RASSF4: variants seen among roughly 807,000 people sequenced by gnomAD.
The protein encoded by RASSF4 is ras association domain-containing protein 4.
RASSF4 carries 38 observed loss-of-function variants against 41.1 expected under a neutral mutation model. The observed-to-expected ratio is 0.92, with a 90% CI of 0.71 to 1.21. The LOEUF (loss-of-function observed/expected upper bound fraction) is 1.21. Ranked by LOEUF, RASSF4 falls within the 50% of genes most tolerant of loss-of-function variation. The pLI is 0.00. For synonymous variants in RASSF4, 179 were observed against 163.4 expected (o/e 1.10, Z -0.73); for missense variants, 414 against 419.4 (o/e 0.99, Z 0.11).
chr10:44,989,556 G>C lies in RASSF4; in HGVS notation c.634-114G>C, dbSNP rs1842035350. Reference sequence around the variant, plus strand: ...GCAAGAGGAGGTTGGGAGAGGACAGGTTCCTTGCAACTTGCGTGTGTGTTA... The same window carrying C: ...GCAAGAGGAGGTTGGGAGAGGACAGCTTCCTTGCAACTTGCGTGTGTGTTA... On this transcript the variant is annotated intron_variant, in intron 7 of 10. Coordinates refer to ENST00000340258, the MANE Select transcript of RASSF4 (RefSeq NM_032023.4). The C allele has an allele frequency of 1.1e-5, 12 of 1,062,320 alleles. No homozygotes were observed. The South Asian group carries it at 1.5e-4, about 13-fold the overall frequency. 65.8% of individuals were successfully genotyped at this position (1,062,320 alleles called of 1,614,324 possible). A position where few individuals can be genotyped will look rare whatever the true frequency, so the allele number is the denominator to read the frequency against.
rs1431410633 is a variant in RASSF4, at chr10:44,994,970, G to A, written c.*1641G>A. The A allele has an allele frequency of 1.3e-5, 2 of 152,188 alleles. No individual in the cohort carries two copies. The highest frequency in any genetic ancestry group is 4.8e-5 in the African/African-American group (2 of 41,422). 9.4% of individuals were successfully genotyped at this position (152,188 alleles called of 1,614,324 possible). ...GGAGCCTAGAGGTGACCTGGATGAT[G>A]AGCAATAGAGTCACCCCGAGTCACA... On this transcript the variant is annotated 3_prime_UTR_variant, in exon 11 of 11. Coordinates refer to ENST00000340258, the MANE Select transcript of RASSF4 (RefSeq NM_032023.4).
intron 3 of RASSF4, among the ~76,000 whole-genome samples, chr10:44,972,069 A>C (rs1841195249): frequency 6.6e-6 from 1 of 152,104 alleles, no homozygotes. Flanking sequence ...GGGTCAGTGC[A>C]TCCCTTCCAG....
chr10:44,969,246 C>G (rs537859697), intron 1 of RASSF4, among the ~76,000 whole-genome samples: 10 of 152,144 alleles, frequency 6.6e-5, no homozygotes, highest in Admixed American at 5.9e-4. Context: ...CAGATGCCAA[C>G]AGGTTCGAGA....
intron 1 of RASSF4, among the ~76,000 whole-genome samples, chr10:44,964,310 TG>T (rs1840819138): frequency 6.6e-6 from 1 of 152,242 alleles, no homozygotes; most frequent in Admixed American, 6.5e-5. Flanking sequence ...TCACTCTGGT[TG>T]GGGACAGAGT....
At chr10:44,970,130 C>T in intron 1 of RASSF4, 35 bp from the exon 2 acceptor site, 4 of 1,345,126 alleles carry the variant, frequency 3.0e-6, no homozygotes, top group African/African-American at 1.4e-5. Flanking sequence ...ACTCCTCTGG[C>T]TCACCTGTCT....
At position 44,995,817 on chromosome 10, in the gene RASSF4, G is replaced by A. The variant is rs557423895; in HGVS notation, c.*2488G>A. On this transcript the variant is annotated 3_prime_UTR_variant, in exon 11 of 11. Coordinates refer to ENST00000340258, the MANE Select transcript of RASSF4 (RefSeq NM_032023.4). The stretch of plus-strand genomic sequence containing the variant: ...AGCTCCCGCTTTCTTTCTACATAGA[G>A]CTTAGGGTATTTCTCATATGCCCCA... 4 of 152,166 alleles carry A rather than the reference G, an allele frequency of 2.6e-5. No individual in the cohort carries two copies. Among genetic ancestry groups the A allele is most frequent in the Admixed American group, 6.5e-5 (1 of 15,278 alleles). The allele number at this position is 152,166 out of a possible 1,614,324, so 9.4% of individuals were successfully genotyped here.
At chr10:44,980,492 G>A (rs1271489235) in intron 3 of RASSF4, among the ~76,000 whole-genome samples, 1 of 152,184 alleles carries the variant, frequency 6.6e-6, no homozygotes, top group Non-Finnish European at 1.5e-5. Flanking sequence ...CATCACCTGT[G>A]TAGGCATGTC....
intron 3 of RASSF4, chr10:44,978,308 C>T (rs1212642265): frequency 4.9e-6 from 2 of 404,546 alleles, no homozygotes; most frequent in Admixed American, 9.2e-5. Context: ...CTAACAAACA[C>T]TGGTCAGAGG....
rs752893031 is a variant in RASSF4 at position 44,982,540 on chromosome 10, T to C, written c.158T>C (p.Ile53Thr). ...CCACAGGAAGAAGGGACTCTGATCA[T>C]CGAGGGGCTCCTCAACATTGCCTGG... ...RHREEEGTLI[I>T]EGLLNIAWGL... The change falls in exon 4 of 11, where the codon ATC (isoleucine) becomes ACC (threonine). Residue 53 changes from isoleucine (I) to threonine (T), a missense_variant. Ile to Thr is a moderately conservative substitution (Grantham distance 89, BLOSUM62 -1). Coordinates refer to ENST00000340258, the MANE Select transcript of RASSF4 (RefSeq NM_032023.4). The C allele has an allele frequency of 8.7e-6, 14 of 1,611,962 alleles. No individual in the cohort carries two copies. The East Asian group carries it at 3.1e-4, about 36-fold the overall frequency.
intron 8 of RASSF4, chr10:44,990,624 C>T (rs1219364222): frequency 5.4e-6 from 1 of 186,812 alleles, no homozygotes; most frequent in African/African-American, 2.3e-5. Context: ...CCATCATTGC[C>T]TAGAGAGGGA....
chr10:44,989,408 A>T, intron 7 of RASSF4, 33 bp downstream of exon 7: 1 of 1,455,224 alleles, frequency 6.9e-7, no homozygotes, highest in Non-Finnish European at 9.6e-7. Context: ...TTGCCCCAGG[A>T]TGCCAGTGGT....
intron 4 of RASSF4, chr10:44,983,050 G>A (rs577966219): frequency 2.0e-5 from 9 of 453,108 alleles, no homozygotes; most frequent in South Asian, 1.6e-4. Flanking sequence ...TCATTTTAAT[G>A]TCAAAATTTT....
chr10:44,984,037 C>T lies in RASSF4; in HGVS notation c.297C>T (p.Pro99=). The T allele has an allele frequency of 6.2e-7, 1 of 1,602,288 alleles. No individual in the cohort carries two copies. The change falls in exon 5 of 11, where the codon CCC becomes CCT. Residue 99 remains proline (P), a synonymous_variant. Coordinates refer to ENST00000340258, the MANE Select transcript of RASSF4 (RefSeq NM_032023.4). ...RPSCPLKEPS[P]QNGNITAQGP... The stretch of plus-strand genomic sequence containing the variant: ...CTGTTTTCAGAAAGGAGCCATCGCC[C>T]CAGAACGGGAACATCACAGCCCAGG...
Position 44,993,445 on chromosome 10 carries a change from CCTGTGTGT to C in RASSF4, c.*119_*126del. On this transcript the variant is annotated 3_prime_UTR_variant, in exon 11 of 11. Coordinates refer to ENST00000340258, the MANE Select transcript of RASSF4 (RefSeq NM_032023.4). ...TGGCCACCGCCTGACGAATCGAGTG[CCTGTGTGT>C]CTACCTCTCTGAAGCCTGAGCACCA... The C allele has an allele frequency of 2.7e-6, 2 of 745,832 alleles. No individual in the cohort carries two copies. The highest frequency in any genetic ancestry group is 2.3e-6 in the Non-Finnish European group (1 of 442,286). 46.2% of individuals were successfully genotyped at this position (745,832 alleles called of 1,614,324 possible).
At position 44,978,390 on chromosome 10, in the gene RASSF4, C is replaced by T. The variant is rs79205764; in HGVS notation, c.139-4131C>T. On this transcript the variant is annotated intron_variant, in intron 3 of 10. Transcript: ENST00000340258. ...CTTTGGCAAGGCCACCTCTCCAGGC[C>T]TCCACTTACCCATCCATAAAACAGG... is the stretch of plus-strand genomic sequence containing the variant. Among the ~76,000 whole-genome samples, 1,031 of 152,308 alleles carry T rather than the reference C, an allele frequency of 6.8e-3. 9 individuals carry two copies. The highest frequency in any genetic ancestry group is 0.022 in the African/African-American group (927 of 41,554).
chr10:44,974,687 G>A (rs1006086081), intron 3 of RASSF4, among the ~76,000 whole-genome samples: 1 of 152,130 alleles, frequency 6.6e-6, no homozygotes. Flanking sequence ...GGTTTGGGGT[G>A]CCTTCTCCTC....
At chr10:44,963,560 C>G (rs935512455) in intron 1 of RASSF4, among the ~76,000 whole-genome samples, 1 of 152,184 alleles carries the variant, frequency 6.6e-6, no homozygotes, top group Non-Finnish European at 1.5e-5. Context: ...CCAGGAATGC[C>G]GTCAGCGTGG....
At position 44,993,618 on chromosome 10, in the gene RASSF4, T is replaced by C. The variant is rs1241144838; in HGVS notation, c.*289T>C. The C allele has an allele frequency of 1.6e-5, 7 of 425,302 alleles. No homozygotes were observed. In the Admixed American group the frequency reaches 2.4e-4, roughly 15 times the overall value. The allele number at this position is 425,302 out of a possible 1,614,324, so 26.3% of individuals were successfully genotyped here. On this transcript the variant is annotated 3_prime_UTR_variant, in exon 11 of 11. Transcript: ENST00000340258. ...ATGCCTCTCCTGCACTGGAGAGCAG[T>C]GCTGGCCCAGCCCCTGCGGCTTAGG...
chr10:44,988,746 G>A (rs1223591385), intron 6 of RASSF4, among the ~76,000 whole-genome samples: 3 of 152,232 alleles, frequency 2.0e-5, no homozygotes, highest in African/African-American at 7.2e-5. Flanking sequence ...TGGGCTAGAC[G>A]TCACTTGGAG....
Sources: gnomAD v4.1 joint callset for allele counts (sites outside exome capture counted in the v4.1 genomes callset) on GRCh38, gnomAD v4.1.1 for gene constraint, MANE v1.5 for transcripts, NCBI Gene and HGNC (gene_info 2026-07-23, HGNC 2026-07-21) for gene names.